The following TIPIN variants were observed in gnomAD, a reference collection of about 807,000 sequenced individuals.
The protein encoded by TIPIN is TIMELESS-interacting protein.
TIPIN carries 29 observed loss-of-function variants against 35.6 expected under a neutral mutation model. That is an observed-to-expected ratio of 0.82 (90% CI 0.61 to 1.11). TIPIN has a LOEUF of 1.11. TIPIN is among the 50% of genes most tolerant of loss of function. TIPIN has a pLI of 0.00. For synonymous variants in TIPIN, 102 were observed against 121.5 expected, an observed-to-expected ratio of 0.84 and a Z score of 1.06; for missense variants, 296 against 345.4, an observed-to-expected ratio of 0.86 and a Z score of 1.13.
At chr15:66,379,131 G>T in intron 1 of TIPIN, 1 of 593,398 alleles carries the variant, frequency 1.7e-6, no homozygotes, top group Non-Finnish European at 2.8e-6. Context: ...TTAAGCAATT[G>T]TCCCGCCTCT....
Position 66,336,694 on chromosome 15 carries a change from GAC to G in TIPIN, c.*262_*263del. ...ACTTAGTGAAAACAAGGCATTCAAT[GAC>G]AGACCAGCAGCAGAAACTGCTTATT... On this transcript the variant is annotated 3_prime_UTR_variant, in exon 8 of 8. Coordinates refer to ENST00000261881, the MANE Select transcript of TIPIN (RefSeq NM_017858.3). 1 of 401,396 alleles carries G rather than the reference GAC, an allele frequency of 2.5e-6. No homozygotes were observed. The highest frequency in any genetic ancestry group is 2.0e-5 in the African/African-American group (1 of 50,414). 24.9% of individuals were successfully genotyped at this position (401,396 alleles called of 1,614,324 possible).
At chr15:66,367,196 C>CTATATCTATATCTA (rs1299762275) in intron 1 of TIPIN, among the ~76,000 whole-genome samples, 1 of 113,994 alleles carries the variant, frequency 8.8e-6, no homozygotes, top group Non-Finnish European at 1.7e-5. Context: ...AAATCTATAT[C>CTATATCTATATCTA]TATATCTATA....
At chr15:66,373,799 T>G (rs566020093) in intron 1 of TIPIN, among the ~76,000 whole-genome samples, 70 of 152,270 alleles carry the variant, frequency 4.6e-4, no homozygotes, top group African/African-American at 1.7e-3. Context: ...AACTACTGGG[T>G]GCAACTGATC....
intron 1 of TIPIN, among the ~76,000 whole-genome samples, chr15:66,377,737 C>T (rs985580185): frequency 6.6e-5 from 10 of 151,806 alleles, no homozygotes; most frequent in African/African-American, 1.2e-4. Flanking sequence ...ATTGCAGTGG[C>T]GCAATCTCGG....
upstream of TIPIN, among the ~76,000 whole-genome samples, chr15:66,358,670 G>T (rs1489308884): frequency 6.6e-6 from 1 of 152,108 alleles, no homozygotes; most frequent in Non-Finnish European, 1.5e-5. Flanking sequence ...CCCCTCCTCA[G>T]CCTCCCAAGG....
At chr15:66,385,991 G>C (rs2093336425) in intron 1 of TIPIN, among the ~76,000 whole-genome samples, 1 of 151,436 alleles carries the variant, frequency 6.6e-6, no homozygotes, top group Non-Finnish European at 1.5e-5. Flanking sequence ...GGCTAGTCTC[G>C]AACTCCTGGG....
intron 6 of TIPIN, chr15:66,347,134 A>G (rs898062904): frequency 7.3e-6 from 3 of 412,792 alleles, no homozygotes; most frequent in Non-Finnish European, 1.5e-5. Context: ...TAGTTTATAA[A>G]TAACTTTAGG....
At chr15:66,352,309 C>CT (rs2093173653) in intron 2 of TIPIN, 102 bp from the exon 3 acceptor site, 5 of 913,312 alleles carry the variant, frequency 5.5e-6, no homozygotes, top group Admixed American at 2.9e-5. Context: ...CATGGGACAC[C>CT]TTTTTTTGAA....
chr15:66,373,184 T>A (rs1378636948), intron 1 of TIPIN, among the ~76,000 whole-genome samples: 1 of 152,094 alleles, frequency 6.6e-6, no homozygotes, highest in Non-Finnish European at 1.5e-5. Flanking sequence ...AATACATGAC[T>A]GTATATCGAA....
chr15:66,372,291 C>T lies in TIPIN; in HGVS notation c.-9+14316G>A, dbSNP rs574563625. Among the ~76,000 whole-genome samples the T allele has an allele frequency of 3.5e-4, 53 of 152,256 alleles. 2 individuals are homozygous for T. The highest frequency in any genetic ancestry group is 3.7e-4 in the Non-Finnish European group (25 of 68,014). On this transcript the variant is annotated intron_variant, in intron 1 of 7. Transcript: ENST00000562124. Reference sequence around the variant, plus strand: ...CTTCTACCACCATAGACTAGGTTTGCCAGGTTTTGAACTTTATATGAAAGA... The same window carrying T: ...CTTCTACCACCATAGACTAGGTTTGTCAGGTTTTGAACTTTATATGAAAGA...
At chr15:66,385,301 TGTTTCCTTTGTTCTGTACAC>T (rs951036928) in intron 1 of TIPIN, among the ~76,000 whole-genome samples, 4 of 152,178 alleles carry the variant, frequency 2.6e-5, no homozygotes, top group Admixed American at 6.5e-5. Context: ...CAGGTGTAGA[TGTTTCCTTTGTTCTGTACAC>T]GTTTCCTTTG....
intron 7 of TIPIN, among the ~76,000 whole-genome samples, chr15:66,338,617 A>G (rs2093061663): frequency 6.6e-6 from 1 of 151,872 alleles, no homozygotes; most frequent in African/African-American, 2.4e-5. Flanking sequence ...GATCGAGACC[A>G]TCCTGGCTGA....
chr15:66,351,040 TA>T (rs1489410992), intron 4 of TIPIN, among the ~76,000 whole-genome samples: 1 of 151,244 alleles, frequency 6.6e-6, no homozygotes, highest in African/African-American at 2.4e-5. Context: ...AAATTATACC[TA>T]CACTCCTACA....
intron 7 of TIPIN, among the ~76,000 whole-genome samples, chr15:66,338,630 C>T (rs940932394): frequency 1.5e-4 from 22 of 151,500 alleles, no homozygotes; most frequent in East Asian, 1.9e-4. Context: ...CTGGCTGATA[C>T]GGTGAAACCC....
upstream of TIPIN, among the ~76,000 whole-genome samples, chr15:66,359,526 G>T (rs2093222387): frequency 6.6e-6 from 1 of 151,724 alleles, no homozygotes; most frequent in South Asian, 2.1e-4. Context: ...TGTGTTTTTT[G>T]TATTTAGTAG....
intron 7 of TIPIN, among the ~76,000 whole-genome samples, chr15:66,338,315 T>C (rs2093059896): frequency 1.3e-5 from 2 of 152,088 alleles, no homozygotes; most frequent in Non-Finnish European, 2.9e-5. Context: ...CGTTTAGGTT[T>C]TATGTCAGAG....
intron 1 of TIPIN, among the ~76,000 whole-genome samples, chr15:66,364,796 G>A (rs1394507777): frequency 1.3e-5 from 2 of 151,464 alleles, no homozygotes; most frequent in African/African-American, 2.4e-5. Flanking sequence ...GTGAAACCTC[G>A]TCTCTACTAA....
intron 2 of TIPIN, 93 bp from the exon 3 acceptor site, chr15:66,352,300 A>G: frequency 1.0e-6 from 1 of 983,726 alleles, no homozygotes; most frequent in Non-Finnish European, 1.5e-6. Context: ...ATAACTAAAC[A>G]TGGGACACCT....
At chr15:66,356,192 T>C (rs1395022696) in intron 1 of TIPIN, among the ~76,000 whole-genome samples, 1 of 152,096 alleles carries the variant, frequency 6.6e-6, no homozygotes, top group Non-Finnish European at 1.5e-5. Flanking sequence ...AAGGAAGTGC[T>C]ACCGTGCTGC....
Sources: allele counts gnomAD v4.1 joint callset (sites outside exome capture counted in the v4.1 genomes callset), GRCh38; gene constraint gnomAD v4.1.1; transcripts MANE v1.5; gene names NCBI Gene and HGNC (gene_info 2026-07-23, HGNC 2026-07-21).